The following LAMP3 variants were observed in gnomAD, a reference collection of about 807,000 sequenced individuals.
The protein encoded by LAMP3 is lysosome associated membrane protein 3, also known as lysosome-associated membrane glycoprotein 3.
A neutral mutation model predicts 34.8 loss-of-function variants in LAMP3; 26 were observed. The observed-to-expected ratio is 0.75, with a 90% CI of 0.55 to 1.04. The LOEUF is 1.04. Ranked by LOEUF, LAMP3 falls within the 50% of genes least tolerant of loss-of-function variation. The probability of loss-of-function intolerance (pLI) is 0.00; values close to 1 mark genes in which losing one functional copy is unlikely to be tolerated. For synonymous variants in LAMP3, 180 were observed against 201.9 expected (o/e 0.89, Z 0.92); for missense variants, 495 against 524.0 (o/e 0.94, Z 0.54).
Position 183,153,271 on chromosome 3 carries a change from T to C in LAMP3, c.759+411A>G, listed in dbSNP as rs1192112423. On this transcript the variant is annotated intron_variant, in intron 2 of 5. Transcript: ENST00000265598. ...CTCTCCCTCGGTTTTCTTGTTCATG[T>C]GGATTTCCACATTAATGTCAAAACT... Among the ~76,000 whole-genome samples the C allele has an allele frequency of 4.6e-5, 7 of 152,070 alleles. No homozygotes were observed. In the East Asian group the frequency reaches 1.3e-3, roughly 29 times the overall value.
At position 183,136,170 on chromosome 3, in the gene LAMP3, G is replaced by T. The variant is rs569525214; in HGVS notation, c.947-283C>A. On this transcript the variant is annotated intron_variant, in intron 4 of 5. Coordinates refer to ENST00000265598, the MANE Select transcript of LAMP3 (RefSeq NM_014398.4). ...TGTTCTTTGGTTACTTTAAATCATT[G>T]GGGACAGAGTGGGTGGGAACTAGTC... Among the ~76,000 whole-genome samples, 73 of 152,244 alleles carry T rather than the reference G, an allele frequency of 4.8e-4. No individual in the cohort carries two copies. In the Middle Eastern group the frequency reaches 0.01, roughly 21 times the overall value.
At chr3:183,156,790 G>A (rs1452869749) in intron 1 of LAMP3, among the ~76,000 whole-genome samples, 1 of 152,150 alleles carries the variant, frequency 6.6e-6, no homozygotes, top group Non-Finnish European at 1.5e-5. Context: ...CTCAGGCTTG[G>A]AAAATTTCAG....
chr3:183,124,637 A>C (rs1719741762), intron 5 of LAMP3, among the ~76,000 whole-genome samples: 1 of 152,174 alleles, frequency 6.6e-6, no homozygotes, highest in Non-Finnish European at 1.5e-5. Context: ...GTTTGAGACC[A>C]GCCTGACCAA....
chr3:183,149,544 C>CAAAAAAAAA (rs1177679833), intron 3 of LAMP3, among the ~76,000 whole-genome samples: 1 of 93,418 alleles, frequency 1.1e-5, no homozygotes, highest in Non-Finnish European at 1.9e-5. Flanking sequence ...GACTCCAACT[C>CAAAAAAAAA]AAAAAAAAAA....
At chr3:183,162,188 TA>T (rs71185636) in intron 1 of LAMP3, among the ~76,000 whole-genome samples, 277 of 143,660 alleles carry the variant, frequency 1.9e-3, no homozygotes, top group Admixed American at 3.6e-3. Flanking sequence ...AATGATCATT[TA>T]AAAAAAAAAA....
At chr3:183,144,668 C>A (rs1396550016) in intron 3 of LAMP3, among the ~76,000 whole-genome samples, 1 of 152,068 alleles carries the variant, frequency 6.6e-6, no homozygotes, top group African/African-American at 2.4e-5. Flanking sequence ...AGCTCGTAGG[C>A]CAAGAGGGTT....
At chr3:183,132,732 A>G in intron 5 of LAMP3, 4 of 985,434 alleles carry the variant, frequency 4.1e-6, no homozygotes, top group Non-Finnish European at 4.8e-6. Flanking sequence ...AGGCAACGAG[A>G]CAGGTCAATC....
At chr3:183,127,709 C>T (rs533830004) in intron 5 of LAMP3, among the ~76,000 whole-genome samples, 53 of 152,300 alleles carry the variant, frequency 3.5e-4, no homozygotes, top group Admixed American at 1.2e-3. Flanking sequence ...AGCCGCCCCC[C>T]AAGCCCTGTG....
chr3:183,124,778 G>A (rs1719744752), intron 5 of LAMP3, among the ~76,000 whole-genome samples: 1 of 151,522 alleles, frequency 6.6e-6, no homozygotes, highest in Admixed American at 6.6e-5. Context: ...GTTGCGGTGA[G>A]CCGAGATCAC....
At chr3:183,151,733 A>G (rs1295877650) in intron 3 of LAMP3, among the ~76,000 whole-genome samples, 3 of 152,106 alleles carry the variant, frequency 2.0e-5, no homozygotes, top group Non-Finnish European at 4.4e-5. Context: ...CAGCTGGGGC[A>G]TGCTCTTTAC....
At chr3:183,129,736 A>G (rs900976889) in intron 5 of LAMP3, among the ~76,000 whole-genome samples, 6 of 152,036 alleles carry the variant, frequency 3.9e-5, no homozygotes, top group Non-Finnish European at 7.4e-5. Context: ...TTTTCTTTGT[A>G]TTTTACTATT....
intron 3 of LAMP3, among the ~76,000 whole-genome samples, chr3:183,151,930 G>A (rs1720648224): frequency 1.3e-5 from 2 of 152,184 alleles, no homozygotes; most frequent in Non-Finnish European, 2.9e-5. Flanking sequence ...GTATGGTCTG[G>A]GAAACCCAGA....
intron 4 of LAMP3, 80 bp from the exon 5 acceptor site, chr3:183,135,967 C>T: frequency 8.9e-7 from 1 of 1,127,598 alleles, no homozygotes. Context: ...TGCCTGTGCA[C>T]AGCTAAATGG....
At chr3:183,155,151 C>T (rs1166414351) in intron 1 of LAMP3, among the ~76,000 whole-genome samples, 1 of 152,152 alleles carries the variant, frequency 6.6e-6, no homozygotes, top group Admixed American at 6.5e-5. Context: ...ATCTTGTGAT[C>T]CGCCTGCCTC....
At chr3:183,140,080 C>T (rs976954812) in intron 4 of LAMP3, among the ~76,000 whole-genome samples, 1 of 152,162 alleles carries the variant, frequency 6.6e-6, no homozygotes. Flanking sequence ...CCCCCAAAAT[C>T]ACATTGCTGG....
rs868563478 is a variant in LAMP3, at chr3:183,154,181, G to T, written c.260C>A (p.Thr87Asn). Residue 87 changes from threonine to asparagine, a missense_variant, in exon 2 of 6, where the codon ACC becomes AAC. Transcript: ENST00000265598. ...TGCAGTGTTTTTTGTAGTCGCTGGGGTAGTTGTTGGAATTTTTACTGTGGC... is the reference window on the plus strand; with the variant it reads ...TGCAGTGTTTTTTGTAGTCGCTGGGTTAGTTGTTGGAATTTTTACTGTGGC... ...TAATVKIPTTTPATTKNTATT... is the reference protein window; with the variant it reads ...TAATVKIPTTNPATTKNTATT... The T allele has an allele frequency of 5.0e-6, 8 of 1,613,936 alleles. No homozygotes were observed. Among genetic ancestry groups the T allele is most frequent in the Admixed American group, 1.7e-5 (1 of 60,010 alleles).
At chr3:183,144,662 C>T (rs76730564) in intron 3 of LAMP3, among the ~76,000 whole-genome samples, 10,182 of 152,140 alleles carry the variant, frequency 0.067, 390 homozygotes, top group East Asian at 0.15. Context: ...AAGCCCAGCT[C>T]GTAGGCCAAG....
chr3:183,162,609 G>A lies in LAMP3; in HGVS notation c.47C>T (p.Ala16Val), dbSNP rs1449334123. 1.3e-6 allele frequency: 2 copies of A among 1,546,420 alleles called. No homozygotes were observed. The highest frequency in any genetic ancestry group is 1.4e-5 in the African/African-American group (1 of 72,874). ...GGGAAGCGCTGAGGGCCACTCACCG[G>A]CCAGGGACGCGAAGAGCGCGGCCGC... ...SAAAALFASL[A>V]VILHDGSQMR... is the part of the protein sequence containing the mutation. The change falls in exon 1 of 6, where the codon GCC (alanine) becomes GTC (valine). Residue 16 changes from alanine (A) to valine (V), a missense_variant and splice_region_variant. Physicochemically the swap from Ala to Val is moderately conservative, Grantham distance 64 (BLOSUM62 0). Coordinates refer to ENST00000265598, the MANE Select transcript of LAMP3 (RefSeq NM_014398.4).
intron 3 of LAMP3, among the ~76,000 whole-genome samples, chr3:183,149,198 G>A (rs967525497): frequency 5.9e-5 from 9 of 151,978 alleles, no homozygotes; most frequent in Non-Finnish European, 1.2e-4. Flanking sequence ...GGCTGGAAAG[G>A]GTAATGGGTG....
Sources: allele counts gnomAD v4.1 joint callset (sites outside exome capture counted in the v4.1 genomes callset), GRCh38; gene constraint gnomAD v4.1.1; transcripts MANE v1.5; gene names NCBI Gene and HGNC (gene_info 2026-07-23, HGNC 2026-07-21).